The following PROZ variants were observed in gnomAD, a reference collection of about 807,000 sequenced individuals.
PROZ encodes protein Z, vitamin K dependent plasma glycoprotein.
PROZ carries 46 observed loss-of-function variants against 34.9 expected under a neutral mutation model. The observed-to-expected ratio is 1.32, with a 90% confidence interval of 1.04 to 1.69. The LOEUF (loss-of-function observed/expected upper bound fraction) is 1.69, where lower values mean the gene tolerates loss of function less well. PROZ is among the 40% of genes most tolerant of loss of function. The pLI is 0.00. For missense variants in PROZ, 530 were observed against 520.4 expected (o/e 1.02, Z -0.18); for synonymous variants, 195 against 208.5 (o/e 0.94, Z 0.56).
At chr13:113,161,114 C>A in intron 3 of PROZ, 142 bp downstream of exon 3, 1 of 795,792 alleles carries the variant, frequency 1.3e-6, no homozygotes, top group Non-Finnish European at 2.2e-6. Context: ...CAGGGAAGGG[C>A]AGCTCCGACT....
At chr13:113,161,943 GCTCAGGTCCCCGTCCCTGCCACC>G (rs2036772671) in intron 3 of PROZ, among the ~76,000 whole-genome samples, 1 of 7,626 alleles carries the variant, frequency 1.3e-4, no homozygotes, top group Non-Finnish European at 6.0e-4. Context: ...TCCTCCTCCT[GCTCAGGTCCCCGTCCCTGCCACC>G]TCCCCACATC....
chr13:113,163,772 C>T (rs1211085401), intron 4 of PROZ, among the ~76,000 whole-genome samples: 3 of 151,900 alleles, frequency 2.0e-5, no homozygotes, highest in African/African-American at 7.3e-5. Flanking sequence ...TAATCTTCTC[C>T]CTCTTGGTGG....
intron 6 of PROZ, among the ~76,000 whole-genome samples, chr13:113,167,607 A>G (rs1196718273): frequency 6.6e-6 from 1 of 152,218 alleles, no homozygotes; most frequent in African/African-American, 2.4e-5. Context: ...TATTAGTGTT[A>G]GCATGACTTA....
At position 113,171,546 on chromosome 13, in the gene PROZ, C is replaced by A; in HGVS notation, c.692-48C>A. 1 of 1,612,456 alleles carries A rather than the reference C, an allele frequency of 6.2e-7. No individual in the cohort carries two copies. Among genetic ancestry groups the A allele is most frequent in the Non-Finnish European group, 8.5e-7 (1 of 1,179,480 alleles). ...GAGAAGCTCGTTTGAGCATTATGTCCCCTTGAAAATCAGACTGTAAAGAAC... is the reference window on the plus strand; with the variant it reads ...GAGAAGCTCGTTTGAGCATTATGTCACCTTGAAAATCAGACTGTAAAGAAC... On this transcript the variant is annotated intron_variant, in intron 7 of 7. Coordinates refer to ENST00000375547, the MANE Select transcript of PROZ (RefSeq NM_003891.3). The surrounding 1 kb of genome is among the most constrained non-coding windows in gnomAD (Gnocchi z 5.1).
In PROZ at chr13:113,171,493, C is replaced by T. The variant is rs3024788; in HGVS notation, c.692-101C>T. The T allele has an allele frequency of 3.3e-3, 4,890 of 1,484,240 alleles. 13 individuals carry two copies. The highest frequency in any genetic ancestry group is 3.8e-3 in the Non-Finnish European group (4,170 of 1,083,498). The allele number at this position is 1,484,240 out of a possible 1,614,324, so 91.9% of individuals were successfully genotyped here. On this transcript the variant is annotated intron_variant, in intron 7 of 7. Transcript: ENST00000375547. The surrounding 1 kb of genome is among the most constrained non-coding windows in gnomAD (Gnocchi z 5.1). ...GGTGAGCCTGCGGGTCCTCCAGGGC[C>T]GGTCTCTCCCTCCTCACGTGGCTCC... is the stretch of plus-strand genomic sequence containing the variant.
intron 4 of PROZ, among the ~76,000 whole-genome samples, chr13:113,164,203 C>T (rs1018952871): frequency 2.6e-5 from 4 of 152,240 alleles, no homozygotes; most frequent in African/African-American, 7.2e-5. Flanking sequence ...TGGTCTTGAT[C>T]TCCTGACCTC....
rs908975284 is a variant in PROZ, at chr13:113,161,002, T to C, written c.259+30T>C. 17 of 1,594,412 alleles carry C rather than the reference T, an allele frequency of 1.1e-5. No individual in the cohort carries two copies. In the Admixed American group the frequency reaches 2.0e-4, roughly 19 times the overall value. On this transcript the variant is annotated intron_variant, in intron 3 of 7. Transcript: ENST00000375547. The stretch of plus-strand genomic sequence containing the variant: ...GTGGTTTCCTTCGTCTCCTCAGAAG[T>C]ATTAATTCCTCGGGATGAGGTGCGT...
Position 113,160,267 on chromosome 13 carries a change from T to C in PROZ, c.234+90T>C, listed in dbSNP as rs1372395480. 5.5e-6 allele frequency: 8 copies of C among 1,461,308 alleles called. No homozygotes were observed. The African/African-American group carries it at 8.5e-5, about 15-fold the overall frequency. The allele number at this position is 1,461,308 out of a possible 1,614,324, so 90.5% of individuals were successfully genotyped here. A position where few individuals can be genotyped will look rare whatever the true frequency, so the allele number is the denominator to read the frequency against. On this transcript the variant is annotated intron_variant, in intron 2 of 7. Transcript: ENST00000375547. ...ATCATTTCTCAGAGATTAAGCTTAATTAATTAGCCTATTTACTTACCGATG... is the reference window on the plus strand; with the variant it reads ...ATCATTTCTCAGAGATTAAGCTTAACTAATTAGCCTATTTACTTACCGATG...
chr13:113,166,602 G>A (rs561371340), intron 6 of PROZ, among the ~76,000 whole-genome samples: 12 of 152,328 alleles, frequency 7.9e-5, no homozygotes, highest in Middle Eastern at 3.4e-3. Flanking sequence ...AGAAACCGAA[G>A]GGAGGCAAAG....
At chr13:113,165,289 C>G in intron 6 of PROZ, 169 bp downstream of exon 6, 1 of 710,020 alleles carries the variant, frequency 1.4e-6, no homozygotes, top group Non-Finnish European at 2.5e-6. Flanking sequence ...GTTCTAATGC[C>G]GAGTTCATAA....
intron 4 of PROZ, among the ~76,000 whole-genome samples, chr13:113,163,755 C>CCTTT (rs898435045): frequency 2.0e-5 from 3 of 151,934 alleles, no homozygotes; most frequent in African/African-American, 7.3e-5. Flanking sequence ...ACCATGTGCC[C>CCTTT]CTTTCTTAAT....
chr13:113,169,828 C>T (rs2037056284), intron 6 of PROZ, among the ~76,000 whole-genome samples: 1 of 152,244 alleles, frequency 6.6e-6, no homozygotes, highest in Admixed American at 6.5e-5. Context: ...TCCATGTACA[C>T]GTGATCACCA....
intron 4 of PROZ, among the ~76,000 whole-genome samples, chr13:113,163,941 A>G (rs1393161717): frequency 6.6e-6 from 1 of 151,228 alleles, no homozygotes; most frequent in Non-Finnish European, 1.5e-5. Context: ...AAAAGGACAA[A>G]TAGAAGTGTC....
chr13:113,171,482 T>A lies in PROZ; in HGVS notation c.692-112T>A. The stretch of plus-strand genomic sequence containing the variant: ...CACCACGGGGCGGTGAGCCTGCGGG[T>A]CCTCCAGGGCCGGTCTCTCCCTCCT... On this transcript the variant is annotated intron_variant, in intron 7 of 7. Coordinates refer to ENST00000375547, the MANE Select transcript of PROZ (RefSeq NM_003891.3). This position sits in a 1 kb window ranked among gnomAD's most constrained non-coding sequence, Gnocchi z 5.1. 7.3e-7 allele frequency: 1 copy of A among 1,372,252 alleles called. No homozygotes were observed. Among genetic ancestry groups the A allele is most frequent in the Non-Finnish European group, 1.0e-6 (1 of 988,550 alleles). 85.0% of individuals were successfully genotyped at this position (1,372,252 alleles called of 1,614,324 possible).
Position 113,171,450 on chromosome 13 carries a change from G to C in PROZ, c.692-144G>C, listed in dbSNP as rs906267828. On this transcript the variant is annotated intron_variant, in intron 7 of 7. Transcript: ENST00000375547. The surrounding 1 kb of genome is among the most constrained non-coding windows in gnomAD (Gnocchi z 5.1). The stretch of plus-strand genomic sequence containing the variant: ...GCCTTTCTGTCCGCAGAAAGGCACA[G>C]TGTCCACACCACGGGGCGGTGAGCC... The C allele has an allele frequency of 2.1e-6, 2 of 935,986 alleles. No homozygotes were observed. Among genetic ancestry groups the C allele is most frequent in the African/African-American group, 1.6e-5 (1 of 61,022 alleles). The allele number at this position is 935,986 out of a possible 1,614,324, so 58.0% of individuals were successfully genotyped here.
chr13:113,170,686 A>G (rs1390080284), intron 7 of PROZ, among the ~76,000 whole-genome samples, 156 bp downstream of exon 7: 1 of 152,206 alleles, frequency 6.6e-6, no homozygotes, highest in East Asian at 1.9e-4. Flanking sequence ...CTCAGGAAGC[A>G]TATGTAAAAT....
intron 4 of PROZ, 62 bp from the exon 5 acceptor site, chr13:113,164,451 C>T (rs929970500): frequency 5.7e-6 from 9 of 1,566,120 alleles, no homozygotes; most frequent in Non-Finnish European, 7.9e-6. Flanking sequence ...GAACTGTGTG[C>T]AAGGCTGTGA....
chr13:113,159,853 G>A lies in PROZ; in HGVS notation c.71-161G>A, dbSNP rs537042708. On this transcript the variant is annotated intron_variant, in intron 1 of 7. Transcript: ENST00000375547. The surrounding 1 kb of genome is among the most constrained non-coding windows in gnomAD (Gnocchi z 4.6). The stretch of plus-strand genomic sequence containing the variant: ...AGAGGATGAAGTGCTTGCCTACCTC[G>A]GGGGAGGGAGTAGCGGGGTGGCCCT... 9.2e-5 allele frequency among the ~76,000 whole-genome samples: 14 copies of A among 152,216 alleles called. No homozygotes were observed. Among genetic ancestry groups the A allele is most frequent in the African/African-American group, 2.4e-4 (10 of 41,454 alleles).
At chr13:113,169,691 G>A (rs1031215684) in intron 6 of PROZ, among the ~76,000 whole-genome samples, 17 of 152,194 alleles carry the variant, frequency 1.1e-4, no homozygotes, top group African/African-American at 1.9e-4. Flanking sequence ...ATCCTGCCCC[G>A]TGCCCCACTG....
Sources: gnomAD v4.1 joint callset for allele counts (sites outside exome capture counted in the v4.1 genomes callset) on GRCh38, gnomAD v4.1.1 for gene constraint, Gnocchi (gnomAD v3.1) non-coding constraint, MANE v1.5 for transcripts, NCBI Gene and HGNC (gene_info 2026-07-23, HGNC 2026-07-21) for gene names.